The following GLT8D1 variants were observed in gnomAD, a reference collection of about 807,000 sequenced individuals.
GLT8D1 encodes the protein glycosyltransferase 8 domain containing 1.
In GLT8D1, 41 loss-of-function variants were observed where a neutral mutation model predicts 46.2. That is an observed-to-expected ratio of 0.89 (90% CI 0.69 to 1.15). The LOEUF is 1.15. Ranked by LOEUF, GLT8D1 falls within the 50% of genes most tolerant of loss-of-function variation. The pLI, the probability that GLT8D1 is intolerant of heterozygous loss-of-function variation, is 0.00. For missense variants in GLT8D1, 408 were observed against 449.3 expected, an observed-to-expected ratio of 0.91 and a Z score of 0.83; for synonymous variants, 150 against 154.2, an observed-to-expected ratio of 0.97 and a Z score of 0.20.
intron 3 of GLT8D1, among the ~76,000 whole-genome samples, chr3:52,699,837 T>C (rs989542692): frequency 3.9e-5 from 6 of 152,186 alleles, no homozygotes; most frequent in African/African-American, 1.4e-4. Flanking sequence ...GCCTCAAACA[T>C]TTCTCAGTAC....
intron 1 of GLT8D1, among the ~76,000 whole-genome samples, chr3:52,702,682 A>G (rs1464897234): frequency 1.3e-5 from 2 of 152,190 alleles, no homozygotes; most frequent in African/African-American, 4.8e-5. Context: ...CCTGAGCAAC[A>G]TAGTATGACC....
Position 52,695,478 on chromosome 3 carries a change from T to C in GLT8D1, c.755A>G (p.Glu252Gly). Residue 252 changes from glutamate to glycine, a missense_variant, in exon 8 of 10, where the codon GAA (glutamate) becomes GGA (glycine). Glu to Gly is a moderately conservative substitution (Grantham distance 98, BLOSUM62 -2). Coordinates refer to ENST00000266014, the MANE Select transcript of GLT8D1 (RefSeq NM_018446.4). ...NPGVFVANLTEWKRQNITNQL... is the reference protein window; with the variant it reads ...NPGVFVANLTGWKRQNITNQL... ...GTTAGTTATATTCTGTCGTTTCCAT[T>C]CCGTCAGGTTTGCAACAAAAACTCC... 6.2e-7 allele frequency: 1 copy of C among 1,613,912 alleles called. No homozygotes were observed. Among genetic ancestry groups the C allele is most frequent in the Non-Finnish European group, 8.5e-7 (1 of 1,179,748 alleles).
Position 52,695,517 on chromosome 3 carries a change from C to G in GLT8D1, c.716G>C (p.Cys239Ser). Residue 239 changes from cysteine (C) to serine (S), a missense_variant, in exon 8 of 10, where the codon TGC (cysteine) becomes TCC (serine). Cys to Ser is a moderately radical substitution (Grantham distance 112). Coordinates refer to ENST00000266014, the MANE Select transcript of GLT8D1 (RefSeq NM_018446.4). ...IRKLSMKAST[C>S]SFNPGVFVAN... ...AACAAAAACTCCAGGATTAAATGAG[C>G]AAGTGCTGGCTTTCATGGAAAGCTT... is the stretch of plus-strand genomic sequence containing the variant. 6.2e-7 allele frequency: 1 copy of G among 1,610,656 alleles called. No homozygotes were observed. Among genetic ancestry groups the G allele is most frequent in the Non-Finnish European group, 8.5e-7 (1 of 1,176,812 alleles).
At chr3:52,700,926 G>A (rs1027475074) in intron 1 of GLT8D1, among the ~76,000 whole-genome samples, 3 of 152,070 alleles carry the variant, frequency 2.0e-5, no homozygotes, top group African/African-American at 7.2e-5. Flanking sequence ...TTAGCCAGGT[G>A]CAGTGGCAGG....
intron 1 of GLT8D1, among the ~76,000 whole-genome samples, chr3:52,704,458 C>CAA (rs60851820): frequency 0.015 from 796 of 52,870 alleles, no homozygotes; most frequent in Middle Eastern, 0.029. Flanking sequence ...GTCTTCGCCT[C>CAA]AAAAAAAAAA....
chr3:52,695,385 AAC>A (rs774726653), intron 8 of GLT8D1, 34 bp downstream of exon 8: 103 of 1,593,978 alleles, frequency 6.5e-5, no homozygotes, highest in Non-Finnish European at 8.1e-5. Context: ...ATTGAAATAC[AAC>A]AGTTTTTCAC....
chr3:52,696,640 A>C lies in GLT8D1; in HGVS notation c.349T>G (p.Ser117Ala). Reference sequence around the variant, plus strand: ...ATTTTGTATCTGATGCTTTTCAGGGAATCACTGTTGAGCCAGGACCTGATG... The same window carrying C: ...ATTTTGTATCTGATGCTTTTCAGGGCATCACTGTTGAGCCAGGACCTGATG... Reference protein sequence around the residue: ...DHLRSWLNSDSLKSIRYKIVN... With the variant: ...DHLRSWLNSDALKSIRYKIVN... The change falls in exon 5 of 10, where the codon TCC (serine) becomes GCC (alanine). Residue 117 changes from serine to alanine, a missense_variant. Physicochemically the swap from Ser to Ala is moderately conservative, Grantham distance 99. Transcript: ENST00000266014. 1.2e-6 allele frequency: 2 copies of C among 1,601,262 alleles called. 1 individual carries two copies. The highest frequency in any genetic ancestry group is 2.2e-5 in the South Asian group (2 of 90,834).
At chr3:52,701,571 G>A (rs2097339427) in intron 1 of GLT8D1, among the ~76,000 whole-genome samples, 2 of 151,970 alleles carry the variant, frequency 1.3e-5, no homozygotes, top group African/African-American at 4.8e-5. Flanking sequence ...GTTTCACCAT[G>A]TTGGCCAGAC....
At position 52,705,703 on chromosome 3, in the gene GLT8D1, C is replaced by G. The variant is rs1340178136; in HGVS notation, c.-293G>C. 2.1e-6 allele frequency: 1 copy of G among 468,116 alleles called. No homozygotes were observed. Among genetic ancestry groups the G allele is most frequent in the African/African-American group, 2.1e-5 (1 of 48,722 alleles). The allele number at this position is 468,116 out of a possible 1,614,324, so 29.0% of individuals were successfully genotyped here. On this transcript the variant is annotated 5_prime_UTR_variant, in exon 1 of 10. Transcript: ENST00000266014. ...TGCACGCTGGGCCGAGCACACTTGC[C>G]CTCTAGCTCCGTGGCAGCCGCGCAG...
At chr3:52,704,679 GC>G (rs2097342387) in intron 1 of GLT8D1, 1 of 152,176 alleles carries the variant, frequency 6.6e-6, no homozygotes, top group South Asian at 2.1e-4. Flanking sequence ...TCTGCCACGT[GC>G]AAGGATGAAA....
chr3:52,695,132 G>T, intron 9 of GLT8D1, 58 bp downstream of exon 9: 1 of 1,449,926 alleles, frequency 6.9e-7, no homozygotes, highest in East Asian at 2.3e-5. Context: ...CATCCCTGAG[G>T]ATAGTTCTTT....
At chr3:52,696,118 G>T in intron 6 of GLT8D1, 78 bp from the exon 7 acceptor site, 5 of 1,161,398 alleles carry the variant, frequency 4.3e-6, no homozygotes, top group Non-Finnish European at 6.5e-6. Context: ...TCCCTATGGT[G>T]ACCTTTTATA....
At chr3:52,703,827 G>C (rs1001858273) in intron 1 of GLT8D1, 1 of 152,192 alleles carries the variant, frequency 6.6e-6, no homozygotes, top group Non-Finnish European at 1.5e-5. Context: ...CATGGAGTAC[G>C]TCTAATCCAT....
intron 1 of GLT8D1, among the ~76,000 whole-genome samples, chr3:52,702,668 C>A (rs1307085736): frequency 1.3e-5 from 2 of 152,138 alleles, no homozygotes; most frequent in Non-Finnish European, 2.9e-5. Context: ...GAGTTCCAGA[C>A]CAGCCTGAGC....
chr3:52,699,762 C>G (rs943345824), intron 3 of GLT8D1, among the ~76,000 whole-genome samples: 2 of 152,312 alleles, frequency 1.3e-5, no homozygotes, highest in South Asian at 4.1e-4. Flanking sequence ...AAAGCTATTA[C>G]AGTCTCTCAC....
At chr3:52,697,478 G>A (rs2097334936) in intron 4 of GLT8D1, 1 of 525,292 alleles carries the variant, frequency 1.9e-6, no homozygotes, top group Non-Finnish European at 3.4e-6. Flanking sequence ...CATCAGGTGG[G>A]GTTAACAGTT....
intron 3 of GLT8D1, among the ~76,000 whole-genome samples, chr3:52,699,723 CT>C (rs1398370049): frequency 6.6e-6 from 1 of 152,146 alleles, no homozygotes; most frequent in Non-Finnish European, 1.5e-5. Flanking sequence ...ATAAAACATG[CT>C]ATCAGAGCAC....
intron 1 of GLT8D1, chr3:52,703,746 G>A (rs1381949435): frequency 6.6e-6 from 1 of 152,210 alleles, no homozygotes; most frequent in African/African-American, 2.4e-5. Flanking sequence ...ACATACTTAA[G>A]TAGACTGGCA....
intron 1 of GLT8D1, 160 bp from the exon 2 acceptor site, chr3:52,700,656 A>G: frequency 2.1e-6 from 1 of 471,304 alleles, no homozygotes. Context: ...CAAGAACCCA[A>G]TTTGGGATCT....
Sources: gnomAD v4.1 joint callset for allele counts (sites outside exome capture counted in the v4.1 genomes callset) on GRCh38, gnomAD v4.1.1 for gene constraint, MANE v1.5 for transcripts, NCBI Gene and HGNC (gene_info 2026-07-23, HGNC 2026-07-21) for gene names.